PLXNA4: variants seen among roughly 807,000 people sequenced by gnomAD.
PLXNA4 encodes plexin-A4.
PLXNA4 carries 44 observed loss-of-function variants against 191.8 expected under a neutral mutation model. The ratio of observed to expected loss-of-function variants is 0.23; its 90% CI spans 0.18 to 0.29. The LOEUF (loss-of-function observed/expected upper bound fraction) is 0.29, where lower values mean the gene tolerates loss of function less well. PLXNA4 is among the 10% of genes least tolerant of loss of function. The probability of loss-of-function intolerance (pLI) is 1.00; values close to 1 mark genes in which losing one functional copy is unlikely to be tolerated. For missense variants in PLXNA4, 1,800 were observed against 2,488.8 expected, an observed-to-expected ratio of 0.72 and a Z score of 5.89; for synonymous variants, 1,082 against 1,009.5, an observed-to-expected ratio of 1.07 and a Z score of -1.36.
At chr7:132,502,317 C>T (rs1210384995) in intron 2 of PLXNA4, among the ~76,000 whole-genome samples, 3 of 152,304 alleles carry the variant, frequency 2.0e-5, no homozygotes, top group Admixed American at 6.5e-5. Context: ...CCTCCATCGC[C>T]ACCCAGTCAT....
At chr7:132,510,178 C>T (rs1478236581) in intron 1 of PLXNA4, among the ~76,000 whole-genome samples, 1 of 152,180 alleles carries the variant, frequency 6.6e-6, no homozygotes, top group Admixed American at 6.5e-5. Context: ...GGCATCTCAG[C>T]TCTGTGGAAT....
chr7:132,549,586 A>G (rs1458037667), intron 1 of PLXNA4, among the ~76,000 whole-genome samples: 3 of 152,110 alleles, frequency 2.0e-5, no homozygotes, highest in East Asian at 3.9e-4. Context: ...AAGTGAGTGG[A>G]CCCTAAAATC....
chr7:132,168,630 C>A, intron 21 of PLXNA4, 58 bp from the exon 22 acceptor site: 1 of 1,516,166 alleles, frequency 6.6e-7, no homozygotes, highest in East Asian at 2.3e-5. Context: ...TCAGTGACCT[C>A]CCCACGGGAT....
upstream of PLXNA4, among the ~76,000 whole-genome samples, chr7:132,580,709 T>A (rs1036506945): frequency 1.3e-5 from 2 of 152,232 alleles, no homozygotes; most frequent in Non-Finnish European, 2.9e-5. Context: ...TTTATTAGCC[T>A]AGGAACAGTG....
At chr7:132,504,678 C>T (rs565329832) in intron 2 of PLXNA4, among the ~76,000 whole-genome samples, 3 of 152,318 alleles carry the variant, frequency 2.0e-5, no homozygotes, top group East Asian at 3.9e-4. Flanking sequence ...CTGTCATCTT[C>T]CTACAACAGA....
intron 3 of PLXNA4, among the ~76,000 whole-genome samples, chr7:132,395,028 C>T (rs754903639): frequency 4.6e-5 from 7 of 152,200 alleles, no homozygotes; most frequent in Admixed American, 6.5e-5. Flanking sequence ...CACACTCCAG[C>T]GAAAGTGAAG....
rs938862456 is a variant in PLXNA4 at position 132,124,831 on chromosome 7, CAGAA to C, written c.*5644_*5647del. 26 of 152,320 alleles carry C rather than the reference CAGAA, an allele frequency of 1.7e-4. No homozygotes were observed. The highest frequency in any genetic ancestry group is 1.5e-3 in the Admixed American group (23 of 15,304). The allele number at this position is 152,320 out of a possible 1,614,324, so 9.4% of individuals were successfully genotyped here. ...ACCTCACTACCTCTGCCAATACAAACAGAAAGTTCTTTTTGTATATGAAGGATTT... is the reference window on the plus strand; with the variant it reads ...ACCTCACTACCTCTGCCAATACAAACAGTTCTTTTTGTATATGAAGGATTT... On this transcript the variant is annotated 3_prime_UTR_variant, in exon 32 of 32. Coordinates refer to ENST00000321063, the MANE Select transcript of PLXNA4 (RefSeq NM_020911.2).
chr7:132,334,021 A>T (rs1270720397), intron 3 of PLXNA4, among the ~76,000 whole-genome samples: 5 of 152,208 alleles, frequency 3.3e-5, no homozygotes, highest in African/African-American at 1.2e-4. Flanking sequence ...TGTTATGCTT[A>T]TTAAATGTGT....
chr7:132,478,329 C>A (rs1282361506), intron 3 of PLXNA4, among the ~76,000 whole-genome samples: 2 of 152,164 alleles, frequency 1.3e-5, no homozygotes, highest in African/African-American at 4.8e-5. Context: ...GGTATGCTAA[C>A]CTGATGCATT....
At chr7:132,525,283 G>T (rs148892460) in intron 1 of PLXNA4, among the ~76,000 whole-genome samples, 2 of 152,160 alleles carry the variant, frequency 1.3e-5, no homozygotes, top group East Asian at 3.9e-4. Context: ...ACTCGGTCTC[G>T]CTGTCACCGA....
chr7:132,132,443 TTCTGTTCTGTTCTGTTCTGTTCTGC>T (rs1329898168), intron 31 of PLXNA4, among the ~76,000 whole-genome samples: 2,963 of 75,474 alleles, frequency 0.039, 132 homozygotes, highest in Middle Eastern at 0.059. Flanking sequence ...TTCTGTTCTG[TTCTGTTCTGTTCTGTTCTGTTCTGC>T]TCTGCTCTGC....
At chr7:132,229,071 T>C (rs1033718831) in intron 5 of PLXNA4, among the ~76,000 whole-genome samples, 4 of 152,192 alleles carry the variant, frequency 2.6e-5, no homozygotes, top group African/African-American at 9.7e-5. Flanking sequence ...ATTATTGGGC[T>C]AAGTGCAGTC....
chr7:132,298,376 A>C (rs1432056891), intron 3 of PLXNA4, among the ~76,000 whole-genome samples, 154 bp from the exon 4 acceptor site: 1 of 152,238 alleles, frequency 6.6e-6, no homozygotes, highest in African/African-American at 2.4e-5. Flanking sequence ...GAGTGACATA[A>C]GCTCACCAAG....
In PLXNA4 at chr7:132,454,689, A is replaced by G. The variant is rs1796251450; in HGVS notation, c.1371+34603T>C. Among the ~76,000 whole-genome samples, 6 of 151,980 alleles carry G rather than the reference A, an allele frequency of 3.9e-5. 1 individual carries two copies. The highest frequency in any genetic ancestry group is 3.9e-4 in the Admixed American group (6 of 15,252). ...AGATCACTAGGGTGGACCTTAATGC[A>G]AACTGACTGGTGTCCTTATAAGAAG... On this transcript the variant is annotated intron_variant, in intron 3 of 31. Coordinates refer to ENST00000321063, the MANE Select transcript of PLXNA4 (RefSeq NM_020911.2).
At chr7:132,265,084 G>A (rs1799799383) in intron 4 of PLXNA4, among the ~76,000 whole-genome samples, 1 of 152,158 alleles carries the variant, frequency 6.6e-6, no homozygotes, top group Non-Finnish European at 1.5e-5. Flanking sequence ...ACAAGCAATG[G>A]CAGGCCACAG....
At chr7:132,351,786 G>C (rs890298900) in intron 3 of PLXNA4, among the ~76,000 whole-genome samples, 1 of 152,142 alleles carries the variant, frequency 6.6e-6, no homozygotes, top group Non-Finnish European at 1.5e-5. Context: ...GAAGCAATGT[G>C]GGGGAAGATG....
chr7:132,485,063 T>A (rs901219555), intron 3 of PLXNA4: 6 of 1,603,820 alleles, frequency 3.7e-6, no homozygotes, highest in South Asian at 1.1e-5. Context: ...GAAAAAAAAA[T>A]TAGGAAGATT....
intron 4 of PLXNA4, among the ~76,000 whole-genome samples, chr7:132,252,070 C>T (rs1351960319): frequency 6.6e-6 from 1 of 152,108 alleles, no homozygotes; most frequent in Admixed American, 6.5e-5. Context: ...TTCACCCTAT[C>T]TCCTGTCTCA....
intron 2 of PLXNA4, among the ~76,000 whole-genome samples, chr7:132,603,698 C>A (rs936801263): frequency 2.0e-5 from 3 of 152,286 alleles, no homozygotes; most frequent in East Asian, 3.9e-4. Flanking sequence ...CAGGGCCAAC[C>A]TTAGGACTTG....
Sources: gnomAD v4.1 joint callset for allele counts (sites outside exome capture counted in the v4.1 genomes callset) on GRCh38, gnomAD v4.1.1 for gene constraint, MANE v1.5 for transcripts, NCBI Gene and HGNC (gene_info 2026-07-23, HGNC 2026-07-21) for gene names.